PCDHGA2: variants seen among roughly 807,000 people sequenced by gnomAD.
PCDHGA2 encodes the protein protocadherin gamma-A2.
In PCDHGA2, 40 loss-of-function variants were observed where a neutral mutation model predicts 59.2. The ratio of observed to expected loss-of-function variants is 0.68; its 90% CI spans 0.52 to 0.88. The LOEUF is 0.88. Among genes scored for constraint, PCDHGA2 ranks in the 40% least tolerant of loss-of-function variants. The pLI, the probability that PCDHGA2 is intolerant of heterozygous loss-of-function variation, is 0.00. For missense variants in PCDHGA2, 1,226 were observed against 1,204.0 expected (o/e 1.02, Z -0.27); for synonymous variants, 560 against 526.0 (o/e 1.06, Z -0.89).
At chr5:141,460,596 C>G (rs930441447) in intron 1 of PCDHGA2, among the ~76,000 whole-genome samples, 2 of 151,986 alleles carry the variant, frequency 1.3e-5, no homozygotes, top group Non-Finnish European at 2.9e-5. Flanking sequence ...TTTCTGGGCT[C>G]TCTGTGTTAG....
chr5:141,451,414 A>G (rs934393544), intron 1 of PCDHGA2, among the ~76,000 whole-genome samples: 2 of 152,108 alleles, frequency 1.3e-5, no homozygotes, highest in African/African-American at 2.4e-5. Flanking sequence ...TTCCTTGTGG[A>G]TTGTTAGACT....
chr5:141,372,086 C>T (rs1389787406), intron 1 of PCDHGA2: 21 of 1,613,620 alleles, frequency 1.3e-5, no homozygotes, highest in East Asian at 2.2e-5. Flanking sequence ...TGGTGCTGTA[C>T]CCAGCTCTGG....
Position 141,485,181 on chromosome 5 carries a change from G to C in PCDHGA2, c.2425-9626G>C. 1 of 1,612,942 alleles carries C rather than the reference G, an allele frequency of 6.2e-7. No individual in the cohort carries two copies. Among genetic ancestry groups the C allele is most frequent in the East Asian group, 2.2e-5 (1 of 44,868 alleles). On this transcript the variant is annotated intron_variant, in intron 1 of 3. Transcript: ENST00000394576. This position sits in a 1 kb window ranked among gnomAD's most constrained non-coding sequence, Gnocchi z 5.7. ...AATTAGCGGGCGGCAGCAATGCTCC[G>C]CAAGGTGAGAAGCTGGACAGAAATC...
At position 141,366,426 on chromosome 5, in the gene PCDHGA2, C is replaced by T. The variant is rs764011656; in HGVS notation, c.2424+25031C>T. On this transcript the variant is annotated intron_variant, in intron 1 of 3. Transcript: ENST00000394576. ...CTCTATCTTGTGGTGGCAGTGGCTG[C>T]AGTCTCCTGCGTCTTCCTGGCCTTC... 1.7e-5 allele frequency: 27 copies of T among 1,613,942 alleles called. No homozygotes were observed. Among genetic ancestry groups the T allele is most frequent in the Middle Eastern group, 1.6e-4 (1 of 6,084 alleles).
intron 2 of PCDHGA2, among the ~76,000 whole-genome samples, chr5:141,496,410 A>G (rs77823969): frequency 0.019 from 2,839 of 152,308 alleles, 40 homozygotes; most frequent in Middle Eastern, 0.082. Context: ...ATGGTTGAGT[A>G]CTTGCTGTCC....
At chr5:141,407,238 T>C (rs538322072) in intron 1 of PCDHGA2, among the ~76,000 whole-genome samples, 1 of 152,338 alleles carries the variant, frequency 6.6e-6, no homozygotes, top group East Asian at 1.9e-4. Context: ...AAATAAAGCA[T>C]ACTTCAGGCT....
chr5:141,400,453 C>G, intron 1 of PCDHGA2: 2 of 1,614,056 alleles, frequency 1.2e-6, no homozygotes, highest in South Asian at 2.2e-5. Flanking sequence ...ACAAGACATA[C>G]TTTGTGGTGA....
chr5:141,475,908 A>G (rs531350638), intron 1 of PCDHGA2: 110 of 585,688 alleles, frequency 1.9e-4, no homozygotes, highest in Non-Finnish European at 2.5e-4. Context: ...CTGTCGGCCA[A>G]TGAAGACGCT....
intron 1 of PCDHGA2, chr5:141,344,642 GA>G (rs766211480): frequency 3.1e-6 from 5 of 1,613,820 alleles, no homozygotes; most frequent in Non-Finnish European, 3.4e-6. Context: ...TGGACCGTGA[GA>G]AAAAAGAAAT....
chr5:141,423,335 G>T (rs781241820), intron 1 of PCDHGA2: 11 of 1,614,046 alleles, frequency 6.8e-6, no homozygotes, highest in Non-Finnish European at 9.3e-6. Context: ...GCAGTCTCCT[G>T]CATCTTCCTG....
intron 1 of PCDHGA2, chr5:141,393,900 G>A (rs1048161107): frequency 3.7e-6 from 6 of 1,613,906 alleles, no homozygotes; most frequent in South Asian, 1.1e-5. Flanking sequence ...TTCTCTTCCC[G>A]GGACAGTAAT....
intron 1 of PCDHGA2, chr5:141,427,795 C>A: frequency 6.7e-7 from 1 of 1,499,260 alleles, no homozygotes; most frequent in Non-Finnish European, 9.2e-7. Context: ...TCCTACGTGT[C>A]CGTGAGCGCA....
intron 1 of PCDHGA2, chr5:141,374,738 G>C (rs1454843423): frequency 4.3e-6 from 7 of 1,611,282 alleles, no homozygotes; most frequent in East Asian, 2.2e-5. Flanking sequence ...GGATGGCGGC[G>C]ACCCTGTCCG....
intron 1 of PCDHGA2, chr5:141,375,869 A>G (rs767048735): frequency 1.2e-6 from 2 of 1,613,850 alleles, no homozygotes; most frequent in Admixed American, 1.7e-5. Context: ...GGCGGTGGAC[A>G]GAGACTCGGG....
Position 141,483,506 on chromosome 5 carries a change from T to A in PCDHGA2, c.2425-11301T>A, listed in dbSNP as rs964063329. ...AGGGACAGGGATGAGTCAAGGCTGA[T>A]CCCCCTAGATCCTGACTAAGGAAGC... On this transcript the variant is annotated intron_variant, in intron 1 of 3. Coordinates refer to ENST00000394576, the MANE Select transcript of PCDHGA2 (RefSeq NM_018915.4). Among the ~76,000 whole-genome samples the A allele has an allele frequency of 2.7e-5, 4 of 148,396 alleles. No individual in the cohort carries two copies. In the South Asian group the frequency reaches 8.5e-4, roughly 32 times the overall value.
chr5:141,370,895 G>A lies in PCDHGA2; in HGVS notation c.2424+29500G>A, dbSNP rs574834175. 79 of 1,614,032 alleles carry A rather than the reference G, an allele frequency of 4.9e-5. 1 individual carries two copies. In the East Asian group the frequency reaches 1.7e-3, roughly 34 times the overall value. On this transcript the variant is annotated intron_variant, in intron 1 of 3. Transcript: ENST00000394576. ...ATCCTGATGTAGGTGTCAATTCGCT[G>A]CAGCAGTACTACCTCAGCCCTGATC...
chr5:141,476,446 G>A lies in PCDHGA2; in HGVS notation c.2425-18361G>A. On this transcript the variant is annotated intron_variant, in intron 1 of 3. Transcript: ENST00000394576. This position sits in a 1 kb window ranked among gnomAD's most constrained non-coding sequence, Gnocchi z 7.6. Reference sequence around the variant, plus strand: ...CCTCTTGCACTGTAACTCTGGAGTTGGTAGTGGAGAACCCGCTGGAGCTGT... The same window carrying A: ...CCTCTTGCACTGTAACTCTGGAGTTAGTAGTGGAGAACCCGCTGGAGCTGT... 6.2e-7 allele frequency: 1 copy of A among 1,614,144 alleles called. No homozygotes were observed. Among genetic ancestry groups the A allele is most frequent in the South Asian group, 1.1e-5 (1 of 91,072 alleles).
intron 1 of PCDHGA2, chr5:141,364,801 G>A: frequency 1.2e-6 from 2 of 1,613,992 alleles, no homozygotes; most frequent in Non-Finnish European, 1.7e-6. Flanking sequence ...TTCCCTTCGC[G>A]CGGGATGCGG....
At chr5:141,488,083 C>T (rs917074240) in intron 1 of PCDHGA2, among the ~76,000 whole-genome samples, 1 of 152,152 alleles carries the variant, frequency 6.6e-6, no homozygotes, top group African/African-American at 2.4e-5. Context: ...GTATCTAGTA[C>T]ACTGTGAAGG....
Sources: gnomAD v4.1 joint callset for allele counts (sites outside exome capture counted in the v4.1 genomes callset) on GRCh38, gnomAD v4.1.1 for gene constraint, Gnocchi (gnomAD v3.1) non-coding constraint, MANE v1.5 for transcripts, NCBI Gene and HGNC (gene_info 2026-07-23, HGNC 2026-07-21) for gene names.